The following HS6ST2 variants were observed in gnomAD, a reference collection of about 807,000 sequenced individuals.
The protein encoded by HS6ST2 is heparan-sulfate 6-O-sulfotransferase 2.
HS6ST2 carries 17 observed loss-of-function variants against 33.0 expected under a neutral mutation model. The ratio of observed to expected loss-of-function variants is 0.52; its 90% CI spans 0.35 to 0.77. The LOEUF is 0.77. Among genes scored for constraint, HS6ST2 ranks in the 30% least tolerant of loss-of-function variants. The pLI, the probability that HS6ST2 is intolerant of heterozygous loss-of-function variation, is 0.01. For missense variants in HS6ST2, 519 were observed against 551.7 expected, an observed-to-expected ratio of 0.94 and a Z score of 0.59; for synonymous variants, 248 against 237.1, an observed-to-expected ratio of 1.05 and a Z score of -0.42.
At chrX:132,851,321 T>C (rs1386122966) in intron 2 of HS6ST2, among the ~76,000 whole-genome samples, 1 of 112,475 alleles carries the variant, frequency 8.9e-6, no homozygotes, top group African/African-American at 3.2e-5. Flanking sequence ...CCCACCATTA[T>C]GTCCTTTCTA....
chrX:132,958,483 C>G lies in HS6ST2; in HGVS notation c.120G>C (p.Ala40=), dbSNP rs777567330. Residue 40 remains alanine (A), a synonymous_variant, in exon 1 of 5, where the codon GCG becomes GCC. Coordinates refer to ENST00000370833, the MANE Select transcript of HS6ST2 (RefSeq NM_001394073.1). ...RHSRVEAELA[A]SRPGSVAASV... ...AGGCGGCGACCGACCCGGGCCGGCTCGCTGCCAATTCGGCCTCTACTCTGG... is the reference window on the plus strand; with the variant it reads ...AGGCGGCGACCGACCCGGGCCGGCTGGCTGCCAATTCGGCCTCTACTCTGG... 1 of 1,196,468 alleles carries G rather than the reference C, an allele frequency of 8.4e-7. No homozygotes were observed. The highest frequency in any genetic ancestry group is 1.1e-6 in the Non-Finnish European group (1 of 889,455).
intron 3 of HS6ST2, among the ~76,000 whole-genome samples, chrX:132,692,114 C>T (rs781072480): frequency 8.9e-6 from 1 of 112,229 alleles, no homozygotes; most frequent in East Asian, 2.8e-4. Flanking sequence ...CTTCATCCAG[C>T]TCTTAATCAC....
At chrX:132,880,647 C>A (rs1164967979) in intron 2 of HS6ST2, among the ~76,000 whole-genome samples, 1 of 106,742 alleles carries the variant, frequency 9.4e-6, no homozygotes, top group African/African-American at 3.4e-5. Flanking sequence ...TATTACTATA[C>A]TTTAAGTTCC....
At position 132,956,886 on chromosome X, in the gene HS6ST2, T is replaced by C; in HGVS notation, c.869A>G (p.His290Arg). Residue 290 changes from histidine (H) to arginine (R), a missense_variant, in exon 2 of 5, where the codon CAC (histidine) becomes CGC (arginine). Transcript: ENST00000370833. ...RFSTGWSCGL[H>R]ADWTELTSCV... ...GCTGGTGAGCTCGGTCCAGTCGGCG[T>C]GCAACCCGCAGCTCCAGCCCGTGGA... The C allele has an allele frequency of 8.4e-7, 1 of 1,191,817 alleles. No individual in the cohort carries two copies. The highest frequency in any genetic ancestry group is 1.1e-6 in the Non-Finnish European group (1 of 885,405).
intron 1 of HS6ST2, 75 bp downstream of exon 1, chrX:132,958,100 G>A: frequency 3.1e-6 from 3 of 976,369 alleles, no homozygotes; most frequent in Non-Finnish European, 4.0e-6. Context: ...ACCCCCCGCG[G>A]CTGCCTTCCC....
chrX:132,756,011 T>A (rs937030534), intron 2 of HS6ST2, among the ~76,000 whole-genome samples: 3 of 111,496 alleles, frequency 2.7e-5, no homozygotes, highest in African/African-American at 9.8e-5. Context: ...AATCTCCCAA[T>A]GGAGCCACGT....
intron 2 of HS6ST2, among the ~76,000 whole-genome samples, chrX:132,741,895 T>C (rs1569485653): frequency 9.0e-6 from 1 of 111,498 alleles, no homozygotes; most frequent in Non-Finnish European, 1.9e-5. Context: ...TCTCTATCTG[T>C]AAAAGGGATT....
chrX:132,647,239 C>T (rs890083420), intron 4 of HS6ST2, among the ~76,000 whole-genome samples: 3 of 111,181 alleles, frequency 2.7e-5, no homozygotes, highest in African/African-American at 9.8e-5. Flanking sequence ...CTTCCTCCTC[C>T]TCCTGGTTGT....
intron 2 of HS6ST2, among the ~76,000 whole-genome samples, chrX:132,768,198 G>A (rs1423656573): frequency 9.1e-6 from 1 of 109,514 alleles, no homozygotes; most frequent in Non-Finnish European, 1.9e-5. Flanking sequence ...TTAGCCAGGT[G>A]TGGTGGTGGA....
At chrX:132,854,919 T>G (rs2065838678) in intron 2 of HS6ST2, among the ~76,000 whole-genome samples, 1 of 112,385 alleles carries the variant, frequency 8.9e-6, no homozygotes, top group African/African-American at 3.2e-5. Flanking sequence ...AAGTGAATTG[T>G]GCATTCCGTC....
At chrX:132,849,864 T>G (rs1254554855) in intron 2 of HS6ST2, among the ~76,000 whole-genome samples, 1 of 112,202 alleles carries the variant, frequency 8.9e-6, no homozygotes, top group Non-Finnish European at 1.9e-5. Flanking sequence ...TTGCAGAGAC[T>G]TATAGAAGAG....
At chrX:132,689,168 A>C (rs1455801563) in intron 3 of HS6ST2, among the ~76,000 whole-genome samples, 2 of 111,742 alleles carry the variant, frequency 1.8e-5, no homozygotes, top group Non-Finnish European at 3.8e-5. Context: ...TCGGGTGAAC[A>C]TTTAAATTCC....
At chrX:132,942,124 T>G (rs1345844580) in intron 2 of HS6ST2, among the ~76,000 whole-genome samples, 1 of 111,602 alleles carries the variant, frequency 9.0e-6, no homozygotes, top group Non-Finnish European at 1.9e-5. Flanking sequence ...CCTATTATAC[T>G]CTTAGAACAT....
At chrX:132,813,932 T>A (rs1046615989) in intron 2 of HS6ST2, among the ~76,000 whole-genome samples, 5 of 111,089 alleles carry the variant, frequency 4.5e-5, no homozygotes, top group African/African-American at 1.3e-4. Flanking sequence ...CAAGAACATT[T>A]ATTTAATTTA....
intron 2 of HS6ST2, among the ~76,000 whole-genome samples, chrX:132,835,747 C>A: frequency 8.9e-6 from 1 of 111,957 alleles, no homozygotes; most frequent in East Asian, 2.8e-4. Flanking sequence ...GAAACCCCGT[C>A]TCCACTAAAA....
chrX:132,688,000 C>T (rs1341645076), intron 3 of HS6ST2, among the ~76,000 whole-genome samples: 1 of 112,310 alleles, frequency 8.9e-6, no homozygotes, highest in Admixed American at 9.4e-5. Context: ...CCACCCGCCT[C>T]GGCCTCCCAA....
At chrX:132,920,263 T>C (rs2148477743) in intron 2 of HS6ST2, among the ~76,000 whole-genome samples, 1 of 110,702 alleles carries the variant, frequency 9.0e-6, no homozygotes, top group African/African-American at 3.3e-5. Context: ...GCAGGCTCCT[T>C]CTTTAAGGTG....
chrX:132,827,280 T>C (rs1208916996), intron 2 of HS6ST2, among the ~76,000 whole-genome samples: 1 of 111,294 alleles, frequency 9.0e-6, no homozygotes, highest in Non-Finnish European at 1.9e-5. Context: ...ACACAACTTC[T>C]ATAGGTGCTG....
chrX:132,959,435 A>T (rs1220136870), upstream of HS6ST2, among the ~76,000 whole-genome samples: 1 of 112,018 alleles, frequency 8.9e-6, no homozygotes, highest in Non-Finnish European at 1.9e-5. Flanking sequence ...AACTCCCTCC[A>T]GTCCCACTGC....
Sources: gnomAD v4.1 joint callset for allele counts (sites outside exome capture counted in the v4.1 genomes callset) on GRCh38, gnomAD v4.1.1 for gene constraint, MANE v1.5 for transcripts, NCBI Gene and HGNC (gene_info 2026-07-23, HGNC 2026-07-21) for gene names.